RACK1: variants seen among roughly 807,000 people sequenced by gnomAD.
RACK1 encodes the protein small ribosomal subunit protein RACK1.
RACK1 carries 3 observed loss-of-function variants against 42.2 expected under a neutral mutation model. That is an observed-to-expected ratio of 0.07 (90% CI 0.03 to 0.18). The LOEUF (loss-of-function observed/expected upper bound fraction) is 0.18. RACK1 is among the 10% of genes least tolerant of loss of function. The pLI is 1.00. For synonymous variants in RACK1, 181 were observed against 154.8 expected (o/e 1.17, Z -1.25); for missense variants, 146 against 403.2 (o/e 0.36, Z 5.46).
intron 6 of RACK1, 117 bp from the exon 7 acceptor site, chr5:181,237,836 T>G: frequency 1.4e-6 from 1 of 700,096 alleles, no homozygotes; most frequent in South Asian, 1.6e-5. Context: ...GGTCCATGTA[T>G]CAATGCCTAC....
rs755901696 is a variant in RACK1, at chr5:181,239,133, G to A, written c.570C>T (p.Gly190=). ...ANCKLKTNHI[G]HTGYLNTVTV... ...TCACCGTGTTCAGATAGCCTGTGTGGCCAATGTGGTTGGTCTTCAGCTTGC... is the reference window on the plus strand; with the variant it reads ...TCACCGTGTTCAGATAGCCTGTGTGACCAATGTGGTTGGTCTTCAGCTTGC... The change falls in exon 5 of 8, where the codon GGC becomes GGT. Residue 190 remains glycine, a synonymous_variant. Coordinates refer to ENST00000512805, the MANE Select transcript of RACK1 (RefSeq NM_006098.5). 1.2e-6 allele frequency: 2 copies of A among 1,613,838 alleles called. No homozygotes were observed. Among genetic ancestry groups the A allele is most frequent in the South Asian group, 2.2e-5 (2 of 91,080 alleles).
Position 181,237,040 on chromosome 5 carries a change from A to G in RACK1, c.891T>C (p.Thr297=), listed in dbSNP as rs988088554. 8 of 1,613,852 alleles carry G rather than the reference A, an allele frequency of 5.0e-6. No individual in the cohort carries two copies. In the Admixed American group the frequency reaches 1.2e-4, roughly 24 times the overall value. The part of the protein sequence containing the change: ...TSLAWSADGQ[T]LFAGYTDNLV... The stretch of plus-strand genomic sequence containing the variant: ...GGTTGTCCGTGTAGCCAGCAAACAG[A>G]GTCTGCAGGGAAGAAATGACAGTGA... Residue 297 remains threonine (T), a splice_region_variant and synonymous_variant, in exon 8 of 8, where the codon ACT becomes ACC. Coordinates refer to ENST00000512805, the MANE Select transcript of RACK1 (RefSeq NM_006098.5).
In RACK1 at chr5:181,241,813, G is replaced by A. The variant is rs756017493; in HGVS notation, c.282-174C>T. On this transcript the variant is annotated intron_variant, in intron 2 of 7. Transcript: ENST00000512805. ...TGAAAGAGAAGAGCCAAGTGACAGA[G>A]AATCCCTTCAGAATTGCAGGACATG... is the stretch of plus-strand genomic sequence containing the variant. 25 of 813,464 alleles carry A rather than the reference G, an allele frequency of 3.1e-5. No individual in the cohort carries two copies. In the South Asian group the frequency reaches 3.3e-4, roughly 11 times the overall value. 50.4% of individuals were successfully genotyped at this position (813,464 alleles called of 1,614,324 possible).
intron 6 of RACK1, 171 bp downstream of exon 6, chr5:181,237,928 G>C: frequency 1.4e-6 from 1 of 692,880 alleles, no homozygotes; most frequent in South Asian, 1.8e-5. Context: ...AAACATCCTG[G>C]AATGTACAGG....
rs141354902 is a variant in RACK1, at chr5:181,243,483, C to T, written c.109+209G>A. The T allele has an allele frequency of 2.8e-3, 4,088 of 1,459,914 alleles. 33 individuals carry two copies. Among genetic ancestry groups the T allele is most frequent in the African/African-American group, 0.019 (1,385 of 71,086 alleles). The allele number at this position is 1,459,914 out of a possible 1,614,324, so 90.4% of individuals were successfully genotyped here. ...CCTAGCAGCTGCGAGCTGATGTACA[C>T]GTAGGTTCTCATCTGCAATGTGGTT... is the stretch of plus-strand genomic sequence containing the variant. On this transcript the variant is annotated intron_variant, in intron 1 of 7. Transcript: ENST00000512805.
intron 6 of RACK1, 134 bp downstream of exon 6, chr5:181,237,965 G>C (rs1479672763): frequency 1.0e-6 from 1 of 955,502 alleles, no homozygotes; most frequent in East Asian, 2.4e-5. Context: ...GAGTTACTCA[G>C]ACCAAAATGT....
At chr5:181,239,448 C>A (rs763793690) in intron 4 of RACK1, 39 bp downstream of exon 4, 2 of 1,456,838 alleles carry the variant, frequency 1.4e-6, no homozygotes, top group East Asian at 2.3e-5. Flanking sequence ...TGGGAGCACA[C>A]CCTGACTGGT....
At chr5:181,241,721 T>C (rs1759352553) in intron 2 of RACK1, 82 bp from the exon 3 acceptor site, 4 of 1,429,124 alleles carry the variant, frequency 2.8e-6, no homozygotes, top group Non-Finnish European at 3.9e-6. Context: ...GCTTTGTCTC[T>C]GTCTCATTGC....
chr5:181,239,748 T>G (rs1759269695), intron 3 of RACK1, among the ~76,000 whole-genome samples, 166 bp from the exon 4 acceptor site: 1 of 152,152 alleles, frequency 6.6e-6, no homozygotes, highest in African/African-American at 2.4e-5. Context: ...ACAAGAAAAT[T>G]TTTTAAAAAT....
chr5:181,241,798 G>A (rs751808838), intron 2 of RACK1, 159 bp from the exon 3 acceptor site: 3 of 843,790 alleles, frequency 3.6e-6, no homozygotes, highest in South Asian at 1.3e-5. Context: ...TGAAAGAGAA[G>A]AGCCAAGTGA....
chr5:181,237,553 T>C, intron 7 of RACK1, 56 bp downstream of exon 7: 1 of 912,916 alleles, frequency 1.1e-6, no homozygotes, highest in Non-Finnish European at 1.9e-6. Context: ...ACTAACAGAA[T>C]GAGAGGGAGA....
intron 1 of RACK1, 129 bp downstream of exon 1, chr5:181,243,563 G>A (rs1039510075): frequency 6.4e-6 from 9 of 1,410,642 alleles, no homozygotes; most frequent in African/African-American, 1.4e-5. Flanking sequence ...CAATGGGGCA[G>A]AGAAGTCTGT....
At chr5:181,237,191 C>G in intron 7 of RACK1, 149 bp from the exon 8 acceptor site, 1 of 1,424,786 alleles carries the variant, frequency 7.0e-7, no homozygotes, top group Non-Finnish European at 9.7e-7. Context: ...CTCACTACAG[C>G]CTTAAGCCCC....
rs765841498 is a variant in RACK1 at position 181,241,442 on chromosome 5, A to G, written c.429+50T>C. On this transcript the variant is annotated intron_variant, in intron 3 of 7. Transcript: ENST00000512805. ...GACTGTCGCCAAAAAAAAAAAAAAA[A>G]AGCAAAGTTTAAGAGGGTGGAAGAG... The G allele has an allele frequency of 4.2e-5, 64 of 1,513,426 alleles. No homozygotes were observed. In the South Asian group the frequency reaches 5.5e-4, roughly 13 times the overall value. 93.7% of individuals were successfully genotyped at this position (1,513,426 alleles called of 1,614,324 possible).
At chr5:181,237,333 C>T in intron 7 of RACK1, 1 of 712,332 alleles carries the variant, frequency 1.4e-6, no homozygotes, top group Non-Finnish European at 2.5e-6. Context: ...GAGGAAGAAA[C>T]AGCTGGTGAT....
chr5:181,239,871 C>G (rs1343389419), intron 3 of RACK1, among the ~76,000 whole-genome samples: 3 of 152,072 alleles, frequency 2.0e-5, no homozygotes, highest in Non-Finnish European at 4.4e-5. Flanking sequence ...ATGGTGAAAC[C>G]CTGTCTCTAC....
chr5:181,243,227 C>G, intron 1 of RACK1: 2 of 1,312,126 alleles, frequency 1.5e-6, no homozygotes, highest in South Asian at 1.2e-5. Flanking sequence ...ACGGGGAGAA[C>G]CAGGGGCAGA....
intron 5 of RACK1, 135 bp from the exon 6 acceptor site, chr5:181,238,374 G>T: frequency 1.2e-6 from 1 of 860,320 alleles, no homozygotes; most frequent in Non-Finnish European, 1.8e-6. Flanking sequence ...AATGACTCAA[G>T]TACCAATATT....
chr5:181,243,473 C>A (rs1759434275), intron 1 of RACK1: 1 of 1,470,754 alleles, frequency 6.8e-7, no homozygotes, highest in Admixed American at 2.2e-5. Flanking sequence ...CAGCTGCGAG[C>A]TGATGTACAC....
Sources: allele counts gnomAD v4.1 joint callset (sites outside exome capture counted in the v4.1 genomes callset), GRCh38; gene constraint gnomAD v4.1.1; transcripts MANE v1.5; gene names NCBI Gene and HGNC (gene_info 2026-07-23, HGNC 2026-07-21).